Variants in WDR27 observed in about 807,000 individuals in gnomAD.
WDR27 encodes WD repeat-containing protein 27.
A neutral mutation model predicts 114.4 loss-of-function variants in WDR27; 100 were observed. That is an observed-to-expected ratio of 0.87 (90% CI 0.74 to 1.03). The LOEUF (loss-of-function observed/expected upper bound fraction) is 1.03, where lower values mean the gene tolerates loss of function less well. WDR27 is among the 50% of genes least tolerant of loss of function. The pLI, the probability that WDR27 is intolerant of heterozygous loss-of-function variation, is 0.00. For missense variants in WDR27, 1,129 were observed against 1,092.9 expected, an observed-to-expected ratio of 1.03 and a Z score of -0.47; for synonymous variants, 449 against 423.1, an observed-to-expected ratio of 1.06 and a Z score of -0.75.
intron 17 of WDR27, among the ~76,000 whole-genome samples, chr6:169,639,043 CTGGGTACTGTGT>C (rs1818464347): frequency 6.6e-6 from 1 of 151,134 alleles, no homozygotes; most frequent in Admixed American, 6.6e-5. Context: ...CTGCGTGGTG[CTGGGTACTGTGT>C]GGTGCTAGGG....
intron 12 of WDR27, 88 bp from the exon 13 acceptor site, chr6:169,658,446 C>T: frequency 1.0e-6 from 1 of 958,608 alleles, no homozygotes; most frequent in Non-Finnish European, 1.6e-6. Flanking sequence ...AAAGACAGTT[C>T]CAAATGACTG....
At chr6:169,473,282 C>T (rs1265842031) in intron 25 of WDR27, among the ~76,000 whole-genome samples, 1 of 152,186 alleles carries the variant, frequency 6.6e-6, no homozygotes, top group African/African-American at 2.4e-5. Context: ...AGCTCATCCC[C>T]AGAGGCAAGT....
intron 25 of WDR27, among the ~76,000 whole-genome samples, chr6:169,546,034 C>T (rs374764536): frequency 3.6e-4 from 54 of 151,874 alleles, no homozygotes; most frequent in East Asian, 3.9e-4. Flanking sequence ...TCAGCCTCGC[C>T]GGCCATTAAG....
intron 25 of WDR27, among the ~76,000 whole-genome samples, chr6:169,555,340 G>A (rs1798724513): frequency 6.6e-6 from 1 of 152,062 alleles, no homozygotes; most frequent in Non-Finnish European, 1.5e-5. Context: ...AAGAAGAGCA[G>A]ACTGCTCCAG....
Position 169,684,465 on chromosome 6 carries a change from A to G in WDR27, c.189+4352T>C, listed in dbSNP as rs1365505689. ...ATGCTCCCAGGCCCAACAAACAGCT[A>G]TGTGCCCATGTCTCAGACTCAAGAA... On this transcript the variant is annotated intron_variant, in intron 2 of 25. Coordinates refer to ENST00000448612, the MANE Select transcript of WDR27 (RefSeq NM_182552.5). This position sits in a 1 kb window ranked among gnomAD's most constrained non-coding sequence, Gnocchi z 4.3. Among the ~76,000 whole-genome samples the G allele has an allele frequency of 6.6e-6, 1 of 152,102 alleles. No individual in the cohort carries two copies. Among genetic ancestry groups the G allele is most frequent in the Non-Finnish European group, 1.5e-5 (1 of 68,012 alleles).
chr6:169,428,930 C>T, the WDR27 span, among the ~76,000 whole-genome samples: 1 of 152,156 alleles, frequency 6.6e-6, no homozygotes, highest in Non-Finnish European at 1.5e-5. Flanking sequence ...CTCTCGGCAG[C>T]CACGGTTGTC....
chr6:169,549,010 A>G (rs1031740662), intron 25 of WDR27, among the ~76,000 whole-genome samples: 2 of 152,224 alleles, frequency 1.3e-5, no homozygotes, highest in East Asian at 1.9e-4. Context: ...GAATTTTTAG[A>G]TACAACAAAA....
chr6:169,492,652 T>C (rs1789921367), intron 25 of WDR27, among the ~76,000 whole-genome samples: 1 of 151,824 alleles, frequency 6.6e-6, no homozygotes, highest in Non-Finnish European at 1.5e-5. Flanking sequence ...TTACTTTCCA[T>C]ACCTCACTGG....
chr6:169,535,829 T>C (rs1431418362), intron 25 of WDR27, among the ~76,000 whole-genome samples: 2 of 152,188 alleles, frequency 1.3e-5, no homozygotes, highest in African/African-American at 4.8e-5. Flanking sequence ...ACACTGTAAA[T>C]GATAAACAAG....
chr6:169,436,066 GTA>G, the WDR27 span, among the ~76,000 whole-genome samples: 107 of 152,160 alleles, frequency 7.0e-4, no homozygotes, highest in African/African-American at 2.4e-3. Flanking sequence ...TTAAATCTCT[GTA>G]TGTTATGTTA....
At chr6:169,536,203 TAAG>T (rs1796172515) in intron 25 of WDR27, among the ~76,000 whole-genome samples, 1 of 152,228 alleles carries the variant, frequency 6.6e-6, no homozygotes, top group South Asian at 2.1e-4. Flanking sequence ...TTTTTCCTTT[TAAG>T]ATTCCCTTCA....
At chr6:169,678,123 G>A (rs1174993030) in intron 2 of WDR27, among the ~76,000 whole-genome samples, 1 of 152,218 alleles carries the variant, frequency 6.6e-6, no homozygotes, top group Non-Finnish European at 1.5e-5. Flanking sequence ...GAGAAGAGGG[G>A]CACCATCATC....
chr6:169,645,168 A>C (rs529073868), intron 16 of WDR27, among the ~76,000 whole-genome samples: 2 of 150,870 alleles, frequency 1.3e-5, no homozygotes, highest in Non-Finnish European at 3.0e-5. Context: ...CCTAATTCGT[A>C]GGAGTCACAC....
chr6:169,498,356 G>A (rs1176315611), intron 25 of WDR27, among the ~76,000 whole-genome samples: 1 of 152,114 alleles, frequency 6.6e-6, no homozygotes, highest in Admixed American at 6.5e-5. Context: ...AAAAGTTATG[G>A]AGATAGGTGG....
At chr6:169,597,877 T>TACACACACACACACACACACACACACAC in intron 23 of WDR27, among the ~76,000 whole-genome samples, 1 of 142,222 alleles carries the variant, frequency 7.0e-6, no homozygotes, top group East Asian at 2.2e-4. Flanking sequence ...TTACCATTCA[T>TACACACACACACACACACACACACACAC]ACACACACAC....
At chr6:169,626,816 C>T (rs935771440) in intron 21 of WDR27, among the ~76,000 whole-genome samples, 1 of 152,196 alleles carries the variant, frequency 6.6e-6, no homozygotes, top group African/African-American at 2.4e-5. Flanking sequence ...ATGCGTTCAT[C>T]CAGTGTGTAA....
At chr6:169,517,062 G>T (rs1562522421) in intron 25 of WDR27, among the ~76,000 whole-genome samples, 1 of 152,100 alleles carries the variant, frequency 6.6e-6, no homozygotes, top group Non-Finnish European at 1.5e-5. Flanking sequence ...TTGGAGATGG[G>T]GCCTGGTGGG....
chr6:169,450,159 G>C, the WDR27 span, among the ~76,000 whole-genome samples: 5 of 152,158 alleles, frequency 3.3e-5, no homozygotes, highest in African/African-American at 1.2e-4. Context: ...GAAGACTGGG[G>C]AGCAACAGCG....
chr6:169,697,103 T>G (rs919074930), intron 1 of WDR27, among the ~76,000 whole-genome samples: 7 of 152,172 alleles, frequency 4.6e-5, no homozygotes, highest in African/African-American at 1.7e-4. Context: ...CAGATATAGA[T>G]CTTAGATATG....
Sources: gnomAD v4.1 joint callset for allele counts (sites outside exome capture counted in the v4.1 genomes callset) on GRCh38, gnomAD v4.1.1 for gene constraint, Gnocchi (gnomAD v3.1) non-coding constraint, MANE v1.5 for transcripts, NCBI Gene and HGNC (gene_info 2026-07-23, HGNC 2026-07-21) for gene names.